Variants in GLT1D1 observed in about 807,000 individuals in gnomAD.
The protein encoded by GLT1D1 is glycosyltransferase 1 domain containing 1.
In GLT1D1, 21 loss-of-function variants were observed where a neutral mutation model predicts 28.7. The ratio of observed to expected loss-of-function variants is 0.73; its 90% CI spans 0.52 to 1.05. GLT1D1 has a LOEUF of 1.05. Ranked by LOEUF, GLT1D1 falls within the 50% of genes least tolerant of loss-of-function variation. The probability of loss-of-function intolerance (pLI) is 0.00; values close to 1 mark genes in which losing one functional copy is unlikely to be tolerated. For synonymous variants in GLT1D1, 147 were observed against 124.8 expected, an observed-to-expected ratio of 1.18 and a Z score of -1.19; for missense variants, 343 against 330.6, an observed-to-expected ratio of 1.04 and a Z score of -0.29.
chr12:128,957,403 A>G, intron 6 of GLT1D1, 142 bp from the exon 11 acceptor site: 1 of 589,768 alleles, frequency 1.7e-6, no homozygotes, highest in South Asian at 2.0e-5. Context: ...AGATTGGGAT[A>G]TCGTTTTGGA....
intron 2 of GLT1D1, among the ~76,000 whole-genome samples, chr12:128,886,866 A>G (rs1868440372): frequency 6.6e-6 from 1 of 152,058 alleles, no homozygotes; most frequent in African/African-American, 2.4e-5. Flanking sequence ...ACATCTCCCA[A>G]AGCCTAAACC....
In GLT1D1 at chr12:128,973,739, A is replaced by G. The variant is rs139097965; in HGVS notation, c.640-9190A>G. Among the ~76,000 whole-genome samples the G allele has an allele frequency of 2.2e-3, 339 of 151,954 alleles. 2 individuals are homozygous for G. Among genetic ancestry groups the G allele is most frequent in the African/African-American group, 7.7e-3 (317 of 41,420 alleles). On this transcript the variant is annotated intron_variant, in intron 7 of 7. Transcript: ENST00000281703. ...CAAAGCACACCAGAGCAGCAGAAGCACCTTTCAGCCAGCCGGGTGTGTGTT... is the reference window on the plus strand; with the variant it reads ...CAAAGCACACCAGAGCAGCAGAAGCGCCTTTCAGCCAGCCGGGTGTGTGTT...
At chr12:128,942,455 A>T (rs1469308687) in intron 4 of GLT1D1, among the ~76,000 whole-genome samples, 5 of 152,268 alleles carry the variant, frequency 3.3e-5, no homozygotes, top group Admixed American at 2.0e-4. Context: ...AGGAAAATAA[A>T]TTTTTTTCCC....
At chr12:128,973,246 G>A (rs1162918557) in intron 7 of GLT1D1, among the ~76,000 whole-genome samples, 24 of 120,884 alleles carry the variant, frequency 2.0e-4, no homozygotes, top group Non-Finnish European at 3.5e-4. Context: ...CCAGTGACAC[G>A]ATATTGGCTC....
rs1871645452 is a variant in GLT1D1 at position 128,912,522 on chromosome 12, A to G, written c.375+13235A>G. On this transcript the variant is annotated intron_variant, in intron 4 of 7. Coordinates refer to ENST00000281703, the MANE Select transcript of GLT1D1 (RefSeq NM_144669.3). Reference sequence around the variant, plus strand: ...GGATAGAGAATGAATATATCAAAATAGATGCATATTTATATGTGATAAATA... The same window carrying G: ...GGATAGAGAATGAATATATCAAAATGGATGCATATTTATATGTGATAAATA... 4 of 790,350 alleles carry G rather than the reference A, an allele frequency of 5.1e-6. No individual in the cohort carries two copies. The Admixed American group carries it at 9.1e-5, about 18-fold the overall frequency. The allele number at this position is 790,350 out of a possible 1,614,324, so 49.0% of individuals were successfully genotyped here. A position where few individuals can be genotyped will look rare whatever the true frequency, so the allele number is the denominator to read the frequency against.
At chr12:128,945,487 C>T in intron 5 of GLT1D1, 118 bp downstream of exon 9, 2 of 860,206 alleles carry the variant, frequency 2.3e-6, no homozygotes, top group Non-Finnish European at 4.0e-6. Flanking sequence ...CCAACTGTTT[C>T]CTCATGCATC....
chr12:128,875,054 T>TTTTGTG (rs1555261798), intron 1 of GLT1D1, among the ~76,000 whole-genome samples: 1 of 143,800 alleles, frequency 7.0e-6, no homozygotes, highest in Non-Finnish European at 1.5e-5. Flanking sequence ...GACATAAATA[T>TTTTGTG]TGTGTGTGTG....
chr12:128,970,364 C>T (rs1240116175), intron 7 of GLT1D1, among the ~76,000 whole-genome samples: 4 of 152,220 alleles, frequency 2.6e-5, no homozygotes, highest in South Asian at 2.1e-4. Flanking sequence ...CTCCTGAGCT[C>T]TGTCTGCAAA....
intron 7 of GLT1D1, among the ~76,000 whole-genome samples, chr12:128,967,896 C>T (rs938341462): frequency 6.6e-6 from 1 of 152,246 alleles, no homozygotes; most frequent in African/African-American, 2.4e-5. Flanking sequence ...AGATGCAGAT[C>T]CTGCTGCGTT....
chr12:128,889,793 C>G (rs1027346164), intron 3 of GLT1D1, among the ~76,000 whole-genome samples: 26 of 152,296 alleles, frequency 1.7e-4, no homozygotes, highest in Non-Finnish European at 2.2e-4. Flanking sequence ...TTCTCTTTTC[C>G]TGACAGAGTC....
At chr12:128,926,795 T>C (rs549116151) in intron 4 of GLT1D1, among the ~76,000 whole-genome samples, 43 of 152,352 alleles carry the variant, frequency 2.8e-4, no homozygotes, top group African/African-American at 9.6e-4. Context: ...TTGTTTAAGG[T>C]AATCGATACA....
At chr12:128,921,741 T>C (rs1376147336) in intron 4 of GLT1D1, among the ~76,000 whole-genome samples, 2 of 152,028 alleles carry the variant, frequency 1.3e-5, no homozygotes, top group Non-Finnish European at 1.5e-5. Context: ...TCTCAGTAGC[T>C]AAGTGTGTCA....
chr12:128,977,696 G>A (rs1398937012), intron 7 of GLT1D1, among the ~76,000 whole-genome samples: 1 of 152,008 alleles, frequency 6.6e-6, no homozygotes, highest in Non-Finnish European at 1.5e-5. Context: ...TTGAGAGATG[G>A]AATTTCTGTA....
chr12:128,941,572 T>C (rs1335068478), intron 4 of GLT1D1, among the ~76,000 whole-genome samples: 201 of 143,592 alleles, frequency 1.4e-3, no homozygotes, highest in African/African-American at 4.8e-3. Flanking sequence ...TCTTTCTCTT[T>C]TTTTTTTTTT....
At chr12:128,927,775 G>C (rs1203075121) in intron 4 of GLT1D1, among the ~76,000 whole-genome samples, 1 of 151,526 alleles carries the variant, frequency 6.6e-6, no homozygotes, top group African/African-American at 2.4e-5. Flanking sequence ...GAGGCGGGCA[G>C]ATCACCTGAG....
intron 2 of GLT1D1, among the ~76,000 whole-genome samples, chr12:128,885,326 G>C (rs962440410): frequency 6.6e-6 from 1 of 152,048 alleles, no homozygotes; most frequent in East Asian, 1.9e-4. Flanking sequence ...AGGTTCAAGC[G>C]ATTCTCCTGC....
intron 1 of GLT1D1, among the ~76,000 whole-genome samples, chr12:128,867,417 C>CA (rs1319317494): frequency 1.4e-5 from 1 of 72,900 alleles, no homozygotes; most frequent in Non-Finnish European, 2.7e-5. Flanking sequence ...AAAAAAAAAA[C>CA]AGAAAAAAAA....
Position 128,945,323 on chromosome 12 carries a change from C to T in GLT1D1, c.376-3C>T. 1 of 1,614,032 alleles carries T rather than the reference C, an allele frequency of 6.2e-7. No individual in the cohort carries two copies. Among genetic ancestry groups the T allele is most frequent in the South Asian group, 1.1e-5 (1 of 91,086 alleles). On this transcript the variant is annotated splice_region_variant and splice_polypyrimidine_tract_variant and intron_variant, in intron 4 of 7. Coordinates refer to ENST00000281703, the MANE Select transcript of GLT1D1 (RefSeq NM_144669.3). ...GCTGACATTTATCTTTGTCTCTTTT[C>T]AGGTCGATCCAGTGTTTACAAGGGA...
chr12:128,909,436 A>C (rs770703443), intron 4 of GLT1D1, among the ~76,000 whole-genome samples: 6 of 152,198 alleles, frequency 3.9e-5, no homozygotes, highest in African/African-American at 1.2e-4. Context: ...TTGTGGCATA[A>C]ATATATTTTG....
Sources: gnomAD v4.1 joint callset for allele counts (sites outside exome capture counted in the v4.1 genomes callset) on GRCh38, gnomAD v4.1.1 for gene constraint, MANE v1.5 for transcripts, NCBI Gene and HGNC (gene_info 2026-07-23, HGNC 2026-07-21) for gene names.